ANKRD17: variants seen among roughly 807,000 people sequenced by gnomAD.
ANKRD17 encodes ankyrin repeat domain-containing protein 17.
ANKRD17 carries 19 observed loss-of-function variants against 229.7 expected under a neutral mutation model. That is an observed-to-expected ratio of 0.08 (90% CI 0.06 to 0.12). The LOEUF is 0.12. ANKRD17 is among the 10% of genes least tolerant of loss of function. ANKRD17 has a pLI of 1.00. For synonymous variants in ANKRD17, 1,112 were observed against 1,146.1 expected, an observed-to-expected ratio of 0.97 and a Z score of 0.60; for missense variants, 2,176 against 3,176.8, an observed-to-expected ratio of 0.68 and a Z score of 7.57.
rs572435469 is a variant in ANKRD17 at position 73,242,543 on chromosome 4, A to G, written c.393+15733T>C. On this transcript the variant is annotated intron_variant, in intron 1 of 33. Coordinates refer to ENST00000358602, the MANE Select transcript of ANKRD17 (RefSeq NM_032217.5). The stretch of plus-strand genomic sequence containing the variant: ...ACATATATTTCTCTCCAAAATTAAC[A>G]CAAATTTCAATGTATAATCTGAGAA... 8.5e-5 allele frequency among the ~76,000 whole-genome samples: 13 copies of G among 152,300 alleles called. No individual in the cohort carries two copies. In the East Asian group the frequency reaches 2.5e-3, roughly 29 times the overall value.
chr4:73,175,220 C>T (rs1461756534), intron 2 of ANKRD17, among the ~76,000 whole-genome samples: 2 of 152,132 alleles, frequency 1.3e-5, no homozygotes, highest in East Asian at 3.8e-4. Flanking sequence ...GAATCAAGGA[C>T]CTTCTTCACA....
chr4:73,248,884 T>C (rs1026656070), intron 1 of ANKRD17, among the ~76,000 whole-genome samples: 1 of 152,042 alleles, frequency 6.6e-6, no homozygotes, highest in Non-Finnish European at 1.5e-5. Context: ...AATTCTAGTA[T>C]GTGCTATACT....
intron 5 of ANKRD17, among the ~76,000 whole-genome samples, chr4:73,155,216 T>C (rs1234023015): frequency 1.3e-5 from 2 of 151,934 alleles, no homozygotes; most frequent in African/African-American, 4.8e-5. Context: ...TTTCACAATA[T>C]TTTTTTCTGT....
At chr4:73,133,635 C>T (rs1232960251) in intron 16 of ANKRD17, among the ~76,000 whole-genome samples, 1 of 151,898 alleles carries the variant, frequency 6.6e-6, no homozygotes, top group East Asian at 1.9e-4. Context: ...CTCAGGTGAT[C>T]CGCCCGCCTC....
chr4:73,162,483 A>C (rs2148920845), intron 2 of ANKRD17, among the ~76,000 whole-genome samples: 1 of 152,128 alleles, frequency 6.6e-6, no homozygotes, highest in Admixed American at 6.5e-5. Flanking sequence ...GGTGTAAACT[A>C]CTTCATCGGG....
intron 1 of ANKRD17, among the ~76,000 whole-genome samples, chr4:73,256,317 T>C (rs981060508): frequency 3.9e-5 from 6 of 152,236 alleles, no homozygotes; most frequent in African/African-American, 9.6e-5. Flanking sequence ...TATGTTAAGT[T>C]TGCAGCAGAA....
chr4:73,255,251 T>C (rs1340510973), intron 1 of ANKRD17, among the ~76,000 whole-genome samples: 3 of 152,258 alleles, frequency 2.0e-5, no homozygotes, highest in Non-Finnish European at 4.4e-5. Flanking sequence ...CTTATTTGAA[T>C]TGATTCTCGT....
At chr4:73,174,237 G>C (rs1263684276) in intron 2 of ANKRD17, among the ~76,000 whole-genome samples, 1 of 152,090 alleles carries the variant, frequency 6.6e-6, no homozygotes, top group African/African-American at 2.4e-5. Context: ...AATATACCTT[G>C]ATCAAATGGG....
chr4:73,256,453 C>T (rs552957261), intron 1 of ANKRD17, among the ~76,000 whole-genome samples: 5 of 152,242 alleles, frequency 3.3e-5, no homozygotes, highest in African/African-American at 1.2e-4. Flanking sequence ...TGTTACCTTG[C>T]TATTCAGTAA....
chr4:73,154,094 A>G lies in ANKRD17; in HGVS notation c.1020T>C (p.Tyr340=). Residue 340 remains tyrosine, a synonymous_variant, in exon 6 of 34, where the codon TAT becomes TAC. Coordinates refer to ENST00000358602, the MANE Select transcript of ANKRD17 (RefSeq NM_032217.5). The part of the protein sequence containing the change: ...QSSTGNTALT[Y]ACAGGYVDVV... ...CATCTACATAGCCTCCAGCACAAGCATATGTAAGTGCTGTATTGCCTATTT... is the reference window on the plus strand; with the variant it reads ...CATCTACATAGCCTCCAGCACAAGCGTATGTAAGTGCTGTATTGCCTATTT... 1 of 1,603,086 alleles carries G rather than the reference A, an allele frequency of 6.2e-7. No individual in the cohort carries two copies. The highest frequency in any genetic ancestry group is 2.2e-5 in the East Asian group (1 of 44,604).
chr4:73,098,698 CGTTCT>C lies in ANKRD17; in HGVS notation c.4574-183_4574-179del. ...AGGACTGATATACTCTGTGTACCCA[CGTTCT>C]GTTCAAAGAATAGCAGGTAGTTATA... On this transcript the variant is annotated intron_variant, in intron 25 of 33. Coordinates refer to ENST00000358602, the MANE Select transcript of ANKRD17 (RefSeq NM_032217.5). 8 of 858,746 alleles carry C rather than the reference CGTTCT, an allele frequency of 9.3e-6. No homozygotes were observed. In the South Asian group the frequency reaches 1.2e-4, roughly 13 times the overall value. 53.2% of individuals were successfully genotyped at this position (858,746 alleles called of 1,614,324 possible).
rs1731629204 is a variant in ANKRD17 at position 73,156,168 on chromosome 4, TA to T, written c.705-3del. 2 of 1,587,736 alleles carry T rather than the reference TA, an allele frequency of 1.3e-6. No individual in the cohort carries two copies. On this transcript the variant is annotated splice_region_variant and splice_polypyrimidine_tract_variant and intron_variant, in intron 3 of 33. Transcript: ENST00000358602. ...GAACAGGCTTCTGCCAAACTGCGGC[TA>T]TTACGGAAAGAATATCACAATACCA...
intron 10 of ANKRD17, among the ~76,000 whole-genome samples, chr4:73,145,483 T>C (rs1483450528): frequency 6.6e-6 from 1 of 152,162 alleles, no homozygotes; most frequent in Non-Finnish European, 1.5e-5. Context: ...TTTTCAATCT[T>C]AAAAAAATAA....
chr4:73,118,832 T>C lies in ANKRD17; in HGVS notation c.4044A>G (p.Val1348=). Residue 1348 remains valine (V), a synonymous_variant, in exon 22 of 34, where the codon GTA becomes GTG. Coordinates refer to ENST00000358602, the MANE Select transcript of ANKRD17 (RefSeq NM_032217.5). The part of the protein sequence containing the change: ...LLIGRGAHID[V]RNKKGNTPLW... The stretch of plus-strand genomic sequence containing the variant: ...ATGGAGTGTTCCCCTTCTTGTTACG[T>C]ACATCAATATGAGCTCCCCTAAAAA... The C allele has an allele frequency of 1.2e-6, 2 of 1,610,724 alleles. No homozygotes were observed. The highest frequency in any genetic ancestry group is 1.7e-6 in the Non-Finnish European group (2 of 1,178,592).
In ANKRD17 at chr4:73,073,786, T is replaced by A. The variant is rs1720852614; in HGVS notation, c.*2445A>T. The A allele has an allele frequency of 6.6e-6, 1 of 152,010 alleles. No homozygotes were observed. The highest frequency in any genetic ancestry group is 2.1e-4 in the South Asian group (1 of 4,830). 9.4% of individuals were successfully genotyped at this position (152,010 alleles called of 1,614,324 possible). Reference sequence around the variant, plus strand: ...TGAAAAGGCATGAAATGTGGAATTTTGTTGGGAATGGATGGTATAAACTGA... The same window carrying A: ...TGAAAAGGCATGAAATGTGGAATTTAGTTGGGAATGGATGGTATAAACTGA... On this transcript the variant is annotated 3_prime_UTR_variant, in exon 34 of 34. Transcript: ENST00000358602.
chr4:73,096,336 TAG>T (rs1279171772), intron 27 of ANKRD17, among the ~76,000 whole-genome samples: 1 of 152,186 alleles, frequency 6.6e-6, no homozygotes, highest in Non-Finnish European at 1.5e-5. Context: ...ATTAATCCAA[TAG>T]AGTGTGTATG....
chr4:73,121,528 C>T, intron 19 of ANKRD17, 89 bp downstream of exon 19: 1 of 1,472,672 alleles, frequency 6.8e-7, no homozygotes, highest in Non-Finnish European at 9.4e-7. Context: ...AAGGGATTTA[C>T]TAAATTTGGC....
At chr4:73,170,570 C>T (rs913000018) in intron 2 of ANKRD17, among the ~76,000 whole-genome samples, 1 of 151,968 alleles carries the variant, frequency 6.6e-6, no homozygotes, top group Non-Finnish European at 1.5e-5. Flanking sequence ...AAAGTGGACT[C>T]TCGGGGTCTC....
At chr4:73,147,161 A>G in intron 9 of ANKRD17, 80 bp downstream of exon 9, 2 of 1,298,212 alleles carry the variant, frequency 1.5e-6, no homozygotes, top group South Asian at 3.2e-5. Context: ...GTATCATAGC[A>G]TCATAAAAAT....
Sources: gnomAD v4.1 joint callset for allele counts (sites outside exome capture counted in the v4.1 genomes callset) on GRCh38, gnomAD v4.1.1 for gene constraint, MANE v1.5 for transcripts, NCBI Gene and HGNC (gene_info 2026-07-23, HGNC 2026-07-21) for gene names.